Variants in COL8A2 observed in about 807,000 individuals in gnomAD.
The protein encoded by COL8A2 is collagen type VIII alpha 2 chain.
A neutral mutation model predicts 24.0 loss-of-function variants in COL8A2; 16 were observed. That is an observed-to-expected ratio of 0.67 (90% CI 0.45 to 1.01). The LOEUF (loss-of-function observed/expected upper bound fraction) is 1.01. Among genes scored for constraint, COL8A2 ranks in the 50% least tolerant of loss-of-function variants. The pLI is 0.00. For missense variants in COL8A2, 818 were observed against 942.4 expected (o/e 0.87, Z 1.73); for synonymous variants, 466 against 424.5 (o/e 1.10, Z -1.20).
rs186772124 is a variant in COL8A2, at chr1:36,102,090, G to A, written c.-16-1832C>T. On this transcript the variant is annotated intron_variant, in intron 2 of 3. Transcript: ENST00000397799. ...GCTACTCAGGAGGCTGAAGAGGGAG[G>A]ATCACTTGAGCTCAGGAGGTGGAGG... 4.1e-4 allele frequency among the ~76,000 whole-genome samples: 63 copies of A among 152,148 alleles called. 1 individual carries two copies. The East Asian group carries it at 7.9e-3, about 19-fold the overall frequency.
chr1:36,117,124 C>A (rs1643883405), intron 1 of COL8A2, among the ~76,000 whole-genome samples: 5 of 152,242 alleles, frequency 3.3e-5, no homozygotes, highest in Admixed American at 3.3e-4. Flanking sequence ...GAAACTCTGA[C>A]ATCCAGTCCT....
In COL8A2 at chr1:36,095,707, T is replaced by C. The variant is rs959510800; in HGVS notation, c.*1862A>G. The C allele has an allele frequency of 2.0e-5, 3 of 152,144 alleles. No individual in the cohort carries two copies. The highest frequency in any genetic ancestry group is 7.2e-5 in the African/African-American group (3 of 41,428). 9.4% of individuals were successfully genotyped at this position (152,144 alleles called of 1,614,324 possible). On this transcript the variant is annotated 3_prime_UTR_variant, in exon 4 of 4. Transcript: ENST00000397799. ...TCCGTGGGCTCCCATTGGGAGCTGA[T>C]TAATTTCTGCCAATCAGAACCCATC...
chr1:36,117,309 T>G (rs1224155005), intron 1 of COL8A2, among the ~76,000 whole-genome samples: 1 of 152,220 alleles, frequency 6.6e-6, no homozygotes, highest in African/African-American at 2.4e-5. Context: ...CAGCTCAGCT[T>G]AGCCCCAGCT....
chr1:36,119,637 C>T lies in COL8A2; in HGVS notation c.-61-3885G>A, dbSNP rs1044478804. On this transcript the variant is annotated intron_variant, in intron 1 of 3. Transcript: ENST00000397799. Reference sequence around the variant, plus strand: ...TGCTTGCCATGAGCAGAGCCGTGGTCGCCTGTCAGGGAGCGTGGCCTGGAG... The same window carrying T: ...TGCTTGCCATGAGCAGAGCCGTGGTTGCCTGTCAGGGAGCGTGGCCTGGAG... Among the ~76,000 whole-genome samples, 9 of 152,120 alleles carry T rather than the reference C, an allele frequency of 5.9e-5. No homozygotes were observed. The South Asian group carries it at 6.2e-4, about 10-fold the overall frequency.
rs1462877635 is a variant in COL8A2 at position 36,098,506 on chromosome 1, A to G, written c.1175T>C (p.Ile392Thr). Residue 392 changes from isoleucine to threonine, a missense_variant, in exon 4 of 4, where the codon ATT (isoleucine) becomes ACT (threonine). Ile to Thr is a moderately conservative substitution (Grantham distance 89). Coordinates refer to ENST00000397799, the MANE Select transcript of COL8A2 (RefSeq NM_005202.4). Reference protein sequence around the residue: ...GPGGPPGVPGIRGDQGPSGLA... With the variant: ...GPGGPPGVPGTRGDQGPSGLA... ...GCCACTAGGCCCCTGGTCACCTCGA[A>G]TGCCAGGCACTCCTGGGGGTCCTCC... 2 of 1,588,896 alleles carry G rather than the reference A, an allele frequency of 1.3e-6. No individual in the cohort carries two copies. The highest frequency in any genetic ancestry group is 1.8e-5 in the Admixed American group (1 of 56,912).
At chr1:36,105,268 TTCCTGAG>T (rs1472257624) in intron 2 of COL8A2, among the ~76,000 whole-genome samples, 1 of 152,216 alleles carries the variant, frequency 6.6e-6, no homozygotes, top group African/African-American at 2.4e-5. Flanking sequence ...CCATTTAACC[TTCCTGAG>T]CTTCAGTATC....
chr1:36,113,760 C>T (rs1441852313), intron 2 of COL8A2, among the ~76,000 whole-genome samples: 2 of 152,226 alleles, frequency 1.3e-5, no homozygotes, highest in East Asian at 3.8e-4. Flanking sequence ...ACTTCAGTTC[C>T]ACCTAACAGT....
chr1:36,108,579 C>G (rs921018046), intron 2 of COL8A2, among the ~76,000 whole-genome samples: 3 of 152,212 alleles, frequency 2.0e-5, no homozygotes, highest in Non-Finnish European at 2.9e-5. Flanking sequence ...GGATTTCCCC[C>G]CTTTTCAGCA....
At chr1:36,117,317 G>C (rs549524492) in intron 1 of COL8A2, among the ~76,000 whole-genome samples, 1 of 152,350 alleles carries the variant, frequency 6.6e-6, no homozygotes, top group South Asian at 2.1e-4. Flanking sequence ...CTTAGCCCCA[G>C]CTTCTCCGGC....
intron 2 of COL8A2, among the ~76,000 whole-genome samples, chr1:36,114,355 G>C (rs528786962): frequency 8.6e-5 from 13 of 151,974 alleles, no homozygotes; most frequent in Middle Eastern, 3.4e-3. Flanking sequence ...CGTTGGCGGG[G>C]TTGCTGCAGC....
At chr1:36,124,249 G>A (rs573333624) in intron 1 of COL8A2, among the ~76,000 whole-genome samples, 1 of 152,158 alleles carries the variant, frequency 6.6e-6, no homozygotes, top group Non-Finnish European at 1.5e-5. Flanking sequence ...GCACACACAC[G>A]TGCGTGCACA....
intron 2 of COL8A2, among the ~76,000 whole-genome samples, chr1:36,110,078 C>T (rs1247625270): frequency 6.6e-6 from 1 of 151,596 alleles, no homozygotes; most frequent in Admixed American, 6.6e-5. Flanking sequence ...TACAGGGGCC[C>T]GCCACCACGC....
chr1:36,100,107 G>A lies in COL8A2; in HGVS notation c.136C>T (p.Pro46Ser), dbSNP rs754895601. 5.0e-6 allele frequency: 8 copies of A among 1,612,930 alleles called. No individual in the cohort carries two copies. Among genetic ancestry groups the A allele is most frequent in the East Asian group, 2.2e-5 (1 of 44,854 alleles). Residue 46 changes from proline to serine, a missense_variant, in exon 3 of 4, where the codon CCC (proline) becomes TCC (serine). Pro to Ser is a moderately conservative substitution (Grantham distance 74, BLOSUM62 -1). Around this residue, in one of 3 missense-constraint regions of COL8A2, gnomAD observed 573 missense variants for 616.8 expected, o/e 0.93. Coordinates refer to ENST00000397799, the MANE Select transcript of COL8A2 (RefSeq NM_005202.4). ...GGTCCCACAGGTCCTTTCTGCATGG[G>A]CTGGATGTACTTCACTGGGGCATAG... ...AGYAPVKYIQ[P>S]MQKGPVGPPF...
chr1:36,110,303 T>C (rs1643822005), intron 2 of COL8A2, among the ~76,000 whole-genome samples: 1 of 150,568 alleles, frequency 6.6e-6, no homozygotes, highest in Non-Finnish European at 1.5e-5. Context: ...TGAGATGATC[T>C]AAGCCACCAG....
intron 2 of COL8A2, among the ~76,000 whole-genome samples, chr1:36,105,966 A>AG (rs58578252): frequency 0.076 from 10,427 of 137,256 alleles, 461 homozygotes; most frequent in Middle Eastern, 0.11. Context: ...AAAAAAAAAA[A>AG]AGAGAGAGAG....
intron 2 of COL8A2, among the ~76,000 whole-genome samples, chr1:36,111,312 G>T (rs1379131673): frequency 1.3e-5 from 2 of 152,096 alleles, no homozygotes; most frequent in East Asian, 3.9e-4. Flanking sequence ...CTCACCTCGG[G>T]GTGCTCCACC....
At chr1:36,113,599 C>T (rs1447965183) in intron 2 of COL8A2, among the ~76,000 whole-genome samples, 4 of 152,224 alleles carry the variant, frequency 2.6e-5, no homozygotes, top group Non-Finnish European at 5.9e-5. Flanking sequence ...ATAAGGACTG[C>T]CCCAAAGCCA....
At position 36,098,040 on chromosome 1, in the gene COL8A2, G is replaced by A. The variant is rs1347318001; in HGVS notation, c.1641C>T (p.Pro547=). 2 of 1,592,190 alleles carry A rather than the reference G, an allele frequency of 1.3e-6. No individual in the cohort carries two copies. Among genetic ancestry groups the A allele is most frequent in the African/African-American group, 1.3e-5 (1 of 74,854 alleles). ...GCACGGCACCCTCCACACCGCCGTT[G>A]GGCAGGTGCAAGCCTGCGATGCCAG... ...DETGIAGLHL[P]NGGVEGAVLG... The change falls in exon 4 of 4, where the codon CCC becomes CCT. Residue 547 remains proline (P), a synonymous_variant. Transcript: ENST00000397799.
intron 2 of COL8A2, among the ~76,000 whole-genome samples, chr1:36,105,121 C>T (rs1643740283): frequency 6.6e-6 from 1 of 152,018 alleles, no homozygotes; most frequent in Admixed American, 6.6e-5. Flanking sequence ...GGCTTGAGGT[C>T]CCTGCTCCTC....
Sources: gnomAD v4.1 joint callset for allele counts (sites outside exome capture counted in the v4.1 genomes callset) on GRCh38, gnomAD v4.1.1 for gene constraint, gnomAD v4.1.1 regional missense constraint, MANE v1.5 for transcripts, NCBI Gene and HGNC (gene_info 2026-07-23, HGNC 2026-07-21) for gene names.